Variants in SYNRG observed in about 807,000 individuals in gnomAD.
SYNRG encodes the protein AP1 gamma subunit binding protein 1.
In SYNRG, 37 loss-of-function variants were observed where a neutral mutation model predicts 130.9. The observed-to-expected ratio is 0.28, with a 90% CI of 0.22 to 0.37. The LOEUF is 0.37. Among genes scored for constraint, SYNRG ranks in the 10% least tolerant of loss-of-function variants. The probability of loss-of-function intolerance (pLI) is 1.00; values close to 1 mark genes in which losing one functional copy is unlikely to be tolerated. For synonymous variants in SYNRG, 539 were observed against 568.1 expected (o/e 0.95, Z 0.73); for missense variants, 1,338 against 1,588.9 (o/e 0.84, Z 2.68).
chr17:37,579,330 G>C (rs1311011297), intron 6 of SYNRG: 1 of 1,304,270 alleles, frequency 7.7e-7, no homozygotes, highest in South Asian at 1.2e-5. Flanking sequence ...GGCCCACATG[G>C]GGGAACTTCA....
At chr17:37,592,455 G>T (rs2062280302) in intron 3 of SYNRG, among the ~76,000 whole-genome samples, 1 of 152,128 alleles carries the variant, frequency 6.6e-6, no homozygotes, top group Admixed American at 6.5e-5. Flanking sequence ...TTTATCCCAA[G>T]AAATGAGGAC....
At chr17:37,596,077 G>T in intron 3 of SYNRG, 146 bp downstream of exon 3, 1 of 918,802 alleles carries the variant, frequency 1.1e-6, no homozygotes, top group African/African-American at 1.7e-5. Context: ...CTTGGAGGGT[G>T]AACACATCTT....
rs1257377318 is a variant in SYNRG at position 37,515,676 on chromosome 17, CTTG to C, written c.*3261_*3263del. ...GTCTCGCCATGTTGGCCAGGCTGGT[CTTG>C]AACTCCTGACCTCGGGTGATCCACC... is the stretch of plus-strand genomic sequence containing the variant. On this transcript the variant is annotated 3_prime_UTR_variant, in exon 22 of 22. Coordinates refer to ENST00000612223, the MANE Select transcript of SYNRG (RefSeq NM_007247.6). 6.6e-6 allele frequency: 1 copy of C among 152,264 alleles called. No individual in the cohort carries two copies. The highest frequency in any genetic ancestry group is 6.5e-5 in the Admixed American group (1 of 15,288). 9.4% of individuals were successfully genotyped at this position (152,264 alleles called of 1,614,324 possible).
chr17:37,603,159 T>C (rs2063439738), intron 1 of SYNRG, among the ~76,000 whole-genome samples: 1 of 152,160 alleles, frequency 6.6e-6, no homozygotes, highest in African/African-American at 2.4e-5. Flanking sequence ...GAAAGGCTCT[T>C]AATCCGGGAG....
intron 6 of SYNRG, among the ~76,000 whole-genome samples, chr17:37,581,740 C>A (rs1209678827): frequency 2.0e-5 from 3 of 151,468 alleles, no homozygotes; most frequent in Admixed American, 6.6e-5. Context: ...GTGTGCACCA[C>A]CACTCCTGGC....
intron 3 of SYNRG, among the ~76,000 whole-genome samples, chr17:37,594,464 T>TC (rs1229283615): frequency 4.2e-5 from 6 of 144,238 alleles, no homozygotes; most frequent in South Asian, 4.3e-4. Flanking sequence ...TTCTTCTTCT[T>TC]TTTTTTTTTT....
In SYNRG at chr17:37,516,404, CTTTT is replaced by C. The variant is rs1293765072; in HGVS notation, c.*2532_*2535del. On this transcript the variant is annotated 3_prime_UTR_variant, in exon 22 of 22. Transcript: ENST00000612223. ...TAGTGAATACTTTTCATAGCAAAGG[CTTTT>C]TTTCTGTTGACATCTGCTGAATTTT... 1 of 152,128 alleles carries C rather than the reference CTTTT, an allele frequency of 6.6e-6. No individual in the cohort carries two copies. Among genetic ancestry groups the C allele is most frequent in the Non-Finnish European group, 1.5e-5 (1 of 68,004 alleles). The allele number at this position is 152,128 out of a possible 1,614,324, so 9.4% of individuals were successfully genotyped here. A position where few individuals can be genotyped will look rare whatever the true frequency, so the allele number is the denominator to read the frequency against.
chr17:37,587,258 C>T (rs964632664), intron 3 of SYNRG, among the ~76,000 whole-genome samples: 4 of 152,144 alleles, frequency 2.6e-5, no homozygotes, highest in Admixed American at 1.3e-4. Flanking sequence ...GAGATCCTCC[C>T]GCCTCAGCCC....
chr17:37,526,710 CTCT>C (rs1424289577), intron 19 of SYNRG, among the ~76,000 whole-genome samples: 17 of 152,174 alleles, frequency 1.1e-4, no homozygotes, highest in African/African-American at 3.9e-4. Flanking sequence ...ATCTGCCACT[CTCT>C]TCTTCTCTCT....
intron 1 of SYNRG, among the ~76,000 whole-genome samples, chr17:37,608,296 A>G (rs963145812): frequency 1.3e-5 from 2 of 152,138 alleles, no homozygotes; most frequent in African/African-American, 4.8e-5. Context: ...AACACTGCAT[A>G]TAAAAAAAAA....
chr17:37,568,772 A>T lies in SYNRG; in HGVS notation c.1481+19T>A, dbSNP rs1191343792. ...TTAATGGTTAAATGCAATGTTAAAT[A>T]TATTAAACTCTTTTCTACCTGTTTC... On this transcript the variant is annotated intron_variant, in intron 11 of 21. Coordinates refer to ENST00000612223, the MANE Select transcript of SYNRG (RefSeq NM_007247.6). 32 of 1,611,830 alleles carry T rather than the reference A, an allele frequency of 2.0e-5. No homozygotes were observed. In the East Asian group the frequency reaches 6.7e-4, roughly 34 times the overall value.
chr17:37,532,671 CAAAA>C (rs56982337), intron 19 of SYNRG, among the ~76,000 whole-genome samples: 4 of 79,138 alleles, frequency 5.1e-5, no homozygotes, highest in Admixed American at 1.5e-4. Flanking sequence ...AGATCTGTCT[CAAAA>C]AAAAAAAAAA....
chr17:37,541,727 G>C lies in SYNRG; in HGVS notation c.3202+245C>G, dbSNP rs1026697515. ...ACACAGCACACCTCTAACCAAACGA[G>C]CTAATGAGCAATACCTGCATGCTGT... On this transcript the variant is annotated intron_variant, in intron 15 of 21. Transcript: ENST00000612223. 3 of 564,318 alleles carry C rather than the reference G, an allele frequency of 5.3e-6. No individual in the cohort carries two copies. In the African/African-American group the frequency reaches 5.6e-5, roughly 11 times the overall value. The allele number at this position is 564,318 out of a possible 1,614,324, so 35.0% of individuals were successfully genotyped here. A position where few individuals can be genotyped will look rare whatever the true frequency, so the allele number is the denominator to read the frequency against.
chr17:37,547,206 G>A (rs1464180056), intron 14 of SYNRG, among the ~76,000 whole-genome samples: 2 of 152,176 alleles, frequency 1.3e-5, no homozygotes, highest in Non-Finnish European at 2.9e-5. Flanking sequence ...GGGTTTCTGT[G>A]TTAGTGTTTT....
chr17:37,583,617 A>C (rs912476201), intron 6 of SYNRG, among the ~76,000 whole-genome samples: 1 of 152,206 alleles, frequency 6.6e-6, no homozygotes, highest in African/African-American at 2.4e-5. Flanking sequence ...TGGCTGGCTA[A>C]ATGATTTATG....
chr17:37,548,855 A>C (rs528666558), intron 14 of SYNRG, among the ~76,000 whole-genome samples: 1 of 139,086 alleles, frequency 7.2e-6, no homozygotes, highest in South Asian at 2.3e-4. Context: ...ACACAAAAAA[A>C]CGGGCGTGGT....
intron 8 of SYNRG, 73 bp downstream of exon 8, chr17:37,576,268 T>G: frequency 6.8e-7 from 1 of 1,474,076 alleles, no homozygotes; most frequent in Non-Finnish European, 9.4e-7. Context: ...CAACAGTAAA[T>G]ATTTACAACT....
intron 8 of SYNRG, among the ~76,000 whole-genome samples, chr17:37,576,046 T>G: frequency 6.6e-6 from 1 of 152,116 alleles, no homozygotes; most frequent in Non-Finnish European, 1.5e-5. Flanking sequence ...AAGTAAATAT[T>G]TGATAATGTC....
intron 1 of SYNRG, among the ~76,000 whole-genome samples, chr17:37,608,233 G>A (rs2063986569): frequency 6.6e-6 from 1 of 152,078 alleles, no homozygotes; most frequent in Admixed American, 6.5e-5. Flanking sequence ...CCTGCAAGAG[G>A]TGATAACTTT....
Sources: allele counts gnomAD v4.1 joint callset (sites outside exome capture counted in the v4.1 genomes callset), GRCh38; gene constraint gnomAD v4.1.1; transcripts MANE v1.5; gene names NCBI Gene and HGNC (gene_info 2026-07-23, HGNC 2026-07-21).